The following EFCAB13 variants were observed in gnomAD, a reference collection of about 807,000 sequenced individuals.
The protein encoded by EFCAB13 is EF-hand calcium-binding domain-containing protein 13.
EFCAB13 carries 91 observed loss-of-function variants against 110.2 expected under a neutral mutation model. The ratio of observed to expected loss-of-function variants is 0.83; its 90% CI spans 0.70 to 0.98. EFCAB13 has a LOEUF of 0.98. Ranked by LOEUF, EFCAB13 falls within the 50% of genes least tolerant of loss-of-function variation. EFCAB13 has a pLI of 0.00. For synonymous variants in EFCAB13, 323 were observed against 369.9 expected, an observed-to-expected ratio of 0.87 and a Z score of 1.45; for missense variants, 968 against 1,119.4, an observed-to-expected ratio of 0.86 and a Z score of 1.93.
rs1326202334 is a variant in EFCAB13, at chr17:47,377,769, ACTT to A, written c.1379_1381del (p.Phe460del). On this transcript the variant is annotated inframe_deletion, in exon 13 of 25. Coordinates refer to ENST00000331493, the MANE Select transcript of EFCAB13 (RefSeq NM_152347.5). ...TCTCTACATTTTGTGTATTTAGAAA[ACTT>A]CTGTGAAGCTATCAGTAAACTTCAA... is the stretch of plus-strand genomic sequence containing the variant. 6 of 1,567,272 alleles carry A rather than the reference ACTT, an allele frequency of 3.8e-6. No homozygotes were observed. The highest frequency in any genetic ancestry group is 2.3e-5 in the East Asian group (1 of 43,446).
rs535129303 is a variant in EFCAB13 at position 47,362,449 on chromosome 17, G to A, written c.805+928G>A. Among the ~76,000 whole-genome samples, 23 of 152,246 alleles carry A rather than the reference G, an allele frequency of 1.5e-4. No individual in the cohort carries two copies. The East Asian group carries it at 1.5e-3, about 10-fold the overall frequency. ...AAGCAGACCGTGGTCTAGCGGTAGCGTCAGTGTCAAGGAAAAACACCCGCT... is the reference window on the plus strand; with the variant it reads ...AAGCAGACCGTGGTCTAGCGGTAGCATCAGTGTCAAGGAAAAACACCCGCT... On this transcript the variant is annotated intron_variant, in intron 10 of 24. Coordinates refer to ENST00000331493, the MANE Select transcript of EFCAB13 (RefSeq NM_152347.5).
intron 20 of EFCAB13, among the ~76,000 whole-genome samples, chr17:47,407,687 G>A (rs1038171591): frequency 2.0e-5 from 3 of 152,132 alleles, no homozygotes; most frequent in Non-Finnish European, 1.5e-5. Flanking sequence ...AAGATGAGTT[G>A]ATTTGACAGA....
intron 9 of EFCAB13, among the ~76,000 whole-genome samples, chr17:47,357,487 T>G (rs998115163): frequency 2.6e-5 from 4 of 152,236 alleles, no homozygotes; most frequent in African/African-American, 7.2e-5. Context: ...GCGATCTCGC[T>G]CACTGCAACC....
intron 6 of EFCAB13, 120 bp downstream of exon 6, chr17:47,342,152 G>T (rs1598722956): frequency 1.7e-6 from 1 of 578,248 alleles, no homozygotes. Context: ...TCACTACCTG[G>T]TCTTGCTTCT....
chr17:47,357,252 T>A (rs1279875670), intron 9 of EFCAB13, among the ~76,000 whole-genome samples: 1 of 152,202 alleles, frequency 6.6e-6, no homozygotes, highest in East Asian at 1.9e-4. Context: ...TTGGATTCTC[T>A]TGGCTTTCCT....
chr17:47,414,811 G>T, intron 22 of EFCAB13, 37 bp from the exon 23 acceptor site: 2 of 1,400,654 alleles, frequency 1.4e-6, no homozygotes, highest in Non-Finnish European at 1.0e-6. Flanking sequence ...TCAGTATCAG[G>T]TTTTTAATGT....
At chr17:47,350,675 G>A (rs980338889) in intron 9 of EFCAB13, among the ~76,000 whole-genome samples, 9 of 151,888 alleles carry the variant, frequency 5.9e-5, no homozygotes, top group Admixed American at 2.0e-4. Flanking sequence ...TTTGCCAGGA[G>A]TCTTGTTTGT....
intron 14 of EFCAB13, among the ~76,000 whole-genome samples, chr17:47,379,872 T>C (rs2065637332): frequency 6.6e-6 from 1 of 152,204 alleles, no homozygotes; most frequent in African/African-American, 2.4e-5. Context: ...AAGCTTTTTG[T>C]CTCTTTCCAA....
intron 12 of EFCAB13, 61 bp downstream of exon 12, chr17:47,375,027 A>C: frequency 6.8e-7 from 1 of 1,473,322 alleles, no homozygotes; most frequent in South Asian, 1.5e-5. Context: ...AGAATGAATC[A>C]ATTATTAGAT....
chr17:47,335,650 C>T (rs1319262061), intron 5 of EFCAB13, among the ~76,000 whole-genome samples: 1 of 152,126 alleles, frequency 6.6e-6, no homozygotes, highest in Admixed American at 6.5e-5. Context: ...TTTAATTGCT[C>T]ATGGTTCTGC....
chr17:47,440,785 AATT>A lies in EFCAB13; in HGVS notation c.*76_*78del. The stretch of plus-strand genomic sequence containing the variant: ...TTCAGTATGCATATTTGACTTCTGA[AATT>A]ATTAGAAAATAATTTTTAAAACTTT... On this transcript the variant is annotated 3_prime_UTR_variant, in exon 25 of 25. Transcript: ENST00000331493. 1 of 1,245,532 alleles carries A rather than the reference AATT, an allele frequency of 8.0e-7. No individual in the cohort carries two copies. Among genetic ancestry groups the A allele is most frequent in the Non-Finnish European group, 1.1e-6 (1 of 926,754 alleles). 77.2% of individuals were successfully genotyped at this position (1,245,532 alleles called of 1,614,324 possible). A position where few individuals can be genotyped will look rare whatever the true frequency, so the allele number is the denominator to read the frequency against.
chr17:47,373,612 A>G (rs1275664825), intron 11 of EFCAB13, among the ~76,000 whole-genome samples: 1 of 152,178 alleles, frequency 6.6e-6, no homozygotes, highest in South Asian at 2.1e-4. Context: ...CCAAAAGCCT[A>G]AATCAGAAGT....
At chr17:47,325,923 A>AATATATATAT (rs60735562) in intron 2 of EFCAB13, among the ~76,000 whole-genome samples, 2,683 of 101,720 alleles carry the variant, frequency 0.026, 69 homozygotes, top group Non-Finnish European at 0.03. Flanking sequence ...ATATAAACAA[A>AATATATATAT]ATATATATAT....
intron 23 of EFCAB13, 152 bp from the exon 24 acceptor site, chr17:47,429,666 C>A: frequency 2.1e-6 from 2 of 969,526 alleles, no homozygotes; most frequent in South Asian, 2.3e-5. Flanking sequence ...TATTGTAATA[C>A]ACTCTGGTTT....
intron 17 of EFCAB13, among the ~76,000 whole-genome samples, chr17:47,397,950 C>T (rs1411312054): frequency 1.3e-5 from 2 of 151,080 alleles, no homozygotes; most frequent in Admixed American, 6.6e-5. Context: ...CCAGCCGCCC[C>T]GTCCGGGAGG....
intron 18 of EFCAB13, among the ~76,000 whole-genome samples, chr17:47,403,182 A>G (rs924271748): frequency 2.0e-5 from 3 of 152,208 alleles, no homozygotes; most frequent in African/African-American, 7.2e-5. Context: ...TGACTTTAAT[A>G]ATAATAATAA....
intron 10 of EFCAB13, 145 bp downstream of exon 10, chr17:47,361,666 G>T (rs1362763224): frequency 3.6e-6 from 2 of 557,328 alleles, no homozygotes; most frequent in Non-Finnish European, 5.8e-6. Context: ...ACTGTTTACT[G>T]GTGTCTATAG....
At chr17:47,433,735 T>C (rs927188668) in intron 24 of EFCAB13, among the ~76,000 whole-genome samples, 1 of 152,144 alleles carries the variant, frequency 6.6e-6, no homozygotes, top group Non-Finnish European at 1.5e-5. Flanking sequence ...ATTAATTAAT[T>C]AGTAATATGT....
At chr17:47,406,920 C>A (rs766694891) in intron 20 of EFCAB13, among the ~76,000 whole-genome samples, 1 of 152,168 alleles carries the variant, frequency 6.6e-6, no homozygotes, top group Non-Finnish European at 1.5e-5. Flanking sequence ...TATCATAGAA[C>A]AAAATCCTGA....
Sources: allele counts gnomAD v4.1 joint callset (sites outside exome capture counted in the v4.1 genomes callset), GRCh38; gene constraint gnomAD v4.1.1; transcripts MANE v1.5; gene names NCBI Gene and HGNC (gene_info 2026-07-23, HGNC 2026-07-21).